The following NKAIN3 variants were observed in gnomAD, a reference collection of about 807,000 sequenced individuals.
NKAIN3 encodes sodium/potassium transporting ATPase interacting 3, also known as sodium/potassium-transporting ATPase subunit beta-1-interacting protein 3.
A neutral mutation model predicts 30.2 loss-of-function variants in NKAIN3; 25 were observed. The observed-to-expected ratio is 0.83, with a 90% CI of 0.60 to 1.16. NKAIN3 has a LOEUF of 1.16. Ranked by LOEUF, NKAIN3 falls within the 50% of genes most tolerant of loss-of-function variation. The probability of loss-of-function intolerance (pLI) is 0.00; values close to 1 mark genes in which losing one functional copy is unlikely to be tolerated. For synonymous variants in NKAIN3, 91 were observed against 89.6 expected (o/e 1.02, Z -0.09); for missense variants, 225 against 254.1 (o/e 0.89, Z 0.78).
intron 3 of NKAIN3, among the ~76,000 whole-genome samples, chr8:62,614,808 T>A (rs538197524): frequency 1.3e-5 from 2 of 152,042 alleles, no homozygotes; most frequent in South Asian, 4.2e-4. Flanking sequence ...TGGGGAGTAC[T>A]GCCAGACTAC....
Position 62,819,029 on chromosome 8 carries a change from C to T in NKAIN3, c.471+71900C>T, listed in dbSNP as rs1818772693. Among the ~76,000 whole-genome samples, 4 of 151,234 alleles carry T rather than the reference C, an allele frequency of 2.6e-5. No homozygotes were observed. The Admixed American group carries it at 2.6e-4, about 10-fold the overall frequency. On this transcript the variant is annotated intron_variant, in intron 4 of 6. Transcript: ENST00000623646. ...TGGTATAATCAAAGAAATTTGAAAA[C>T]AAATTGGATGGATAGTAAGAAATTA...
At chr8:62,605,828 C>T (rs185732731) in intron 3 of NKAIN3, among the ~76,000 whole-genome samples, 3 of 151,896 alleles carry the variant, frequency 2.0e-5, no homozygotes, top group Admixed American at 6.6e-5. Flanking sequence ...ATCAATGCCC[C>T]GTGGATACTG....
chr8:62,590,537 T>A (rs1810620098), intron 3 of NKAIN3, among the ~76,000 whole-genome samples: 1 of 151,874 alleles, frequency 6.6e-6, no homozygotes, highest in Non-Finnish European at 1.5e-5. Flanking sequence ...AACTTAACAG[T>A]ATTACAAAAA....
chr8:62,725,378 A>G (rs1462938697), intron 3 of NKAIN3, among the ~76,000 whole-genome samples: 2 of 152,070 alleles, frequency 1.3e-5, no homozygotes, highest in Non-Finnish European at 2.9e-5. Context: ...TTAATTTGAT[A>G]TGATCCCAAT....
At chr8:62,850,899 A>G (rs903615794) in intron 4 of NKAIN3, among the ~76,000 whole-genome samples, 6 of 152,056 alleles carry the variant, frequency 3.9e-5, no homozygotes, top group South Asian at 4.1e-4. Flanking sequence ...TGATGCCTCC[A>G]GCTTTGTTCT....
chr8:62,587,372 T>A (rs538249475), intron 2 of NKAIN3, among the ~76,000 whole-genome samples: 38 of 152,096 alleles, frequency 2.5e-4, no homozygotes, highest in African/African-American at 8.9e-4. Flanking sequence ...ACACAAGAAT[T>A]CCATATTATA....
At chr8:62,589,906 T>C (rs2130104456) in intron 3 of NKAIN3, 112 bp downstream of exon 3, 1 of 295,042 alleles carries the variant, frequency 3.4e-6, no homozygotes, top group South Asian at 5.9e-5. Context: ...TGTGTGTGTG[T>C]GTGTGTGTGT....
intron 1 of NKAIN3, among the ~76,000 whole-genome samples, chr8:62,378,686 C>T (rs1465240792): frequency 6.6e-6 from 1 of 152,166 alleles, no homozygotes; most frequent in Non-Finnish European, 1.5e-5. Flanking sequence ...TGTGGGTACA[C>T]AGAAGACAAG....
chr8:62,523,592 A>C (rs1808218175), intron 1 of NKAIN3, among the ~76,000 whole-genome samples: 1 of 152,158 alleles, frequency 6.6e-6, no homozygotes, highest in South Asian at 2.1e-4. Context: ...AGAAATCAAC[A>C]TGTTTAGGAC....
rs747140729 is a variant in NKAIN3, at chr8:62,941,315, A to C, written c.533-12587A>C. 5.1e-4 allele frequency among the ~76,000 whole-genome samples: 77 copies of C among 152,236 alleles called. 1 individual carries two copies. Among genetic ancestry groups the C allele is most frequent in the Middle Eastern group, 3.4e-3 (1 of 294 alleles). ...CCAGATGGATTCATAGCTGAATTCT[A>C]TCAGACATTCAAAGAATTGGTACCA... is the stretch of plus-strand genomic sequence containing the variant. On this transcript the variant is annotated intron_variant, in intron 5 of 6. Transcript: ENST00000623646.
intron 3 of NKAIN3, among the ~76,000 whole-genome samples, chr8:62,667,526 T>A (rs1036149027): frequency 2.0e-5 from 3 of 151,734 alleles, no homozygotes; most frequent in African/African-American, 7.3e-5. Flanking sequence ...TCACATCCTA[T>A]GCCCAGTTCA....
In NKAIN3 at chr8:62,460,816, G is replaced by A. The variant is rs142670990; in HGVS notation, c.55-118723G>A. Among the ~76,000 whole-genome samples the A allele has an allele frequency of 1.9e-3, 285 of 152,318 alleles. 1 individual carries two copies. Among genetic ancestry groups the A allele is most frequent in the Middle Eastern group, 6.8e-3 (2 of 294 alleles). On this transcript the variant is annotated intron_variant, in intron 1 of 6. Transcript: ENST00000623646. The stretch of plus-strand genomic sequence containing the variant: ...GAGAAAAGCCTTTGCTCAGAGGATT[G>A]TGTGTTAAAACAATTGGAGGGAAGT...
intron 1 of NKAIN3, among the ~76,000 whole-genome samples, chr8:62,436,333 T>C (rs1444780822): frequency 6.6e-6 from 1 of 152,180 alleles, no homozygotes; most frequent in Non-Finnish European, 1.5e-5. Context: ...TTCTTGGTCC[T>C]GTGTGTGGCT....
chr8:62,973,209 T>C lies in NKAIN3; in HGVS notation c.*7802T>C, dbSNP rs563112589. The stretch of plus-strand genomic sequence containing the variant: ...CCCAGTAGGGGATTGCTGGATCAAA[T>C]GGTATTTCTAGTTCTAGATCCTTGA... On this transcript the variant is annotated 3_prime_UTR_variant, in exon 7 of 7. Coordinates refer to ENST00000623646, the MANE Select transcript of NKAIN3 (RefSeq NM_001304533.3). Among the ~76,000 whole-genome samples, 3 of 152,242 alleles carry C rather than the reference T, an allele frequency of 2.0e-5. No homozygotes were observed. The highest frequency in any genetic ancestry group is 4.4e-5 in the Non-Finnish European group (3 of 68,048).
intron 4 of NKAIN3, among the ~76,000 whole-genome samples, chr8:62,756,775 C>G (rs1046092435): frequency 6.6e-6 from 1 of 152,136 alleles, no homozygotes; most frequent in African/African-American, 2.4e-5. Context: ...CCATAACACT[C>G]TCCATAACAG....
At chr8:62,558,405 C>T (rs2129967002) in intron 1 of NKAIN3, among the ~76,000 whole-genome samples, 1 of 151,960 alleles carries the variant, frequency 6.6e-6, no homozygotes, top group East Asian at 1.9e-4. Flanking sequence ...TTTTTTGGTT[C>T]CATATGAATT....
intron 5 of NKAIN3, among the ~76,000 whole-genome samples, chr8:62,925,794 A>C (rs1156237811): frequency 6.6e-6 from 1 of 152,122 alleles, no homozygotes; most frequent in Non-Finnish European, 1.5e-5. Flanking sequence ...ACTGATTTAC[A>C]AATGGTCAAC....
At chr8:62,316,687 A>G (rs1814646582) in intron 1 of NKAIN3, among the ~76,000 whole-genome samples, 1 of 152,246 alleles carries the variant, frequency 6.6e-6, no homozygotes, top group African/African-American at 2.4e-5. Context: ...ATTGTTGGAC[A>G]TTTGGGTTGG....
chr8:62,853,415 C>T (rs62510779), intron 4 of NKAIN3, among the ~76,000 whole-genome samples: 12,532 of 152,108 alleles, frequency 0.082, 575 homozygotes, highest in South Asian at 0.14. Flanking sequence ...TCCAATTTGC[C>T]AGTCTGTGTC....
Sources: allele counts gnomAD v4.1 joint callset (sites outside exome capture counted in the v4.1 genomes callset), GRCh38; gene constraint gnomAD v4.1.1; transcripts MANE v1.5; gene names NCBI Gene and HGNC (gene_info 2026-07-23, HGNC 2026-07-21).